SLF2: variants seen among roughly 807,000 people sequenced by gnomAD.
SLF2 encodes the protein SMC5-SMC6 complex localization factor protein 2.
In SLF2, 68 loss-of-function variants were observed where a neutral mutation model predicts 124.3. That is an observed-to-expected ratio of 0.55 (90% CI 0.45 to 0.67). The LOEUF is 0.67. Ranked by LOEUF, SLF2 falls within the 30% of genes least tolerant of loss-of-function variation. The pLI is 0.00. For missense variants in SLF2, 1,246 were observed against 1,373.7 expected (o/e 0.91, Z 1.47); for synonymous variants, 480 against 478.8 (o/e 1.00, Z -0.03).
chr10:100,930,034 TA>T, intron 8 of SLF2, 37 bp downstream of exon 8: 1 of 1,359,068 alleles, frequency 7.4e-7, no homozygotes, highest in South Asian at 1.6e-5. Context: ...TTTATATGTA[TA>T]AAAAATTACT....
At chr10:100,952,883 G>A (rs963733743) in intron 17 of SLF2, among the ~76,000 whole-genome samples, 1 of 152,102 alleles carries the variant, frequency 6.6e-6, no homozygotes, top group African/African-American at 2.4e-5. Flanking sequence ...AGGTTGCAGT[G>A]AGCTGAGATC....
At chr10:100,941,251 T>C (rs1283650427) in intron 11 of SLF2, among the ~76,000 whole-genome samples, 1 of 152,132 alleles carries the variant, frequency 6.6e-6, no homozygotes, top group East Asian at 1.9e-4. Context: ...AGAGTGAAAA[T>C]GTTTGCAGAT....
At chr10:100,918,274 G>GGT (rs1189765991) in intron 3 of SLF2, 110 bp from the exon 4 acceptor site, 2 of 570,598 alleles carry the variant, frequency 3.5e-6, no homozygotes, top group Non-Finnish European at 6.0e-6. Context: ...TCCAAATATG[G>GGT]GTGCTTGCCT....
At chr10:100,951,580 T>C (rs896532973) in intron 17 of SLF2, among the ~76,000 whole-genome samples, 8 of 152,226 alleles carry the variant, frequency 5.3e-5, no homozygotes, top group African/African-American at 1.7e-4. Flanking sequence ...GGTTCAGATG[T>C]CCTTCATAGG....
In SLF2 at chr10:100,916,119, C is replaced by T; in HGVS notation, c.184+77C>T. 4 of 1,100,542 alleles carry T rather than the reference C, an allele frequency of 3.6e-6. No homozygotes were observed. In the Admixed American group the frequency reaches 8.1e-5, roughly 22 times the overall value. The allele number at this position is 1,100,542 out of a possible 1,614,324, so 68.2% of individuals were successfully genotyped here. A position where few individuals can be genotyped will look rare whatever the true frequency, so the allele number is the denominator to read the frequency against. On this transcript the variant is annotated intron_variant, in intron 2 of 19. Transcript: ENST00000238961. ...GAGACAGATTCAACTTTAAAACCTACTCTAAACTGTTTTAGTAAACGTAGT... is the reference window on the plus strand; with the variant it reads ...GAGACAGATTCAACTTTAAAACCTATTCTAAACTGTTTTAGTAAACGTAGT...
chr10:100,913,279 C>A, intron 1 of SLF2, 29 bp downstream of exon 1: 1 of 1,540,550 alleles, frequency 6.5e-7, no homozygotes, highest in Admixed American at 2.0e-5. Context: ...GAGAAGGGGC[C>A]GGGTCGCGGG....
rs747981951 is a variant in SLF2 at position 100,917,069 on chromosome 10, A to G, written c.684A>G (p.Glu228=). Residue 228 remains glutamate, a synonymous_variant, in exon 3 of 20, where the codon GAA becomes GAG. Coordinates refer to ENST00000238961, the MANE Select transcript of SLF2 (RefSeq NM_018121.4). ...SRSSLSRHHP[E]ESPLGAKFQL... ...GCAGCCTGTCCAGGCACCACCCGGAAGAAAGCCCACTGGGAGCTAAATTCC... is the reference window on the plus strand; with the variant it reads ...GCAGCCTGTCCAGGCACCACCCGGAGGAAAGCCCACTGGGAGCTAAATTCC... 25 of 1,614,230 alleles carry G rather than the reference A, an allele frequency of 1.5e-5. No homozygotes were observed. The Middle Eastern group carries it at 6.6e-4, about 43-fold the overall frequency.
intron 19 of SLF2, among the ~76,000 whole-genome samples, chr10:100,961,507 A>C (rs527820132): frequency 4.6e-5 from 7 of 152,200 alleles, no homozygotes; most frequent in Non-Finnish European, 1.0e-4. Context: ...TTGTTTTTGT[A>C]TTTGTTTCTA....
chr10:100,917,012 C>T lies in SLF2; in HGVS notation c.627C>T (p.Phe209=), dbSNP rs1337721967. The change falls in exon 3 of 20, where the codon TTC becomes TTT. Residue 209 remains phenylalanine (F), a synonymous_variant. Coordinates refer to ENST00000238961, the MANE Select transcript of SLF2 (RefSeq NM_018121.4). The part of the protein sequence containing the change: ...KQTTVAEADI[F]NNSSRSLSSR... ...CCACAGTGGCAGAAGCTGACATCTT[C>T]AATAACAGCTCCAGAAGCCTTAGCA... 7 of 1,614,066 alleles carry T rather than the reference C, an allele frequency of 4.3e-6. No individual in the cohort carries two copies. Among genetic ancestry groups the T allele is most frequent in the African/African-American group, 1.3e-5 (1 of 74,912 alleles).
intron 4 of SLF2, among the ~76,000 whole-genome samples, chr10:100,923,343 G>C (rs190753717): frequency 6.6e-6 from 1 of 152,190 alleles, no homozygotes; most frequent in East Asian, 1.9e-4. Flanking sequence ...TCTGGTGTTT[G>C]CCTGCAATCT....
intron 1 of SLF2, chr10:100,913,997 C>G (rs1203269425): frequency 1.5e-6 from 1 of 657,276 alleles, no homozygotes. Context: ...ACTCTGAAAG[C>G]CAGAAAGCTA....
At position 100,947,126 on chromosome 10, in the gene SLF2, TC is replaced by T. The variant is rs1850120428; in HGVS notation, c.3023del (p.Ser1008TyrfsTer6). 6.4e-7 allele frequency: 1 copy of T among 1,567,470 alleles called. No individual in the cohort carries two copies. ...GGTACAGCTGGTCCCTAATTGGACA[TC>T]ACGTGGAAGGTATTAAAAAGTGAAA... ...WLVQLVPNWT[S>X]RGRQLRQCLS... is the part of the protein sequence containing the mutation. On this transcript the variant is annotated frameshift_variant, in exon 14 of 20. Transcript: ENST00000238961. LOFTEE classifies it high-confidence loss of function.
intron 11 of SLF2, among the ~76,000 whole-genome samples, chr10:100,939,513 TA>T: frequency 6.6e-6 from 1 of 152,124 alleles, no homozygotes; most frequent in East Asian, 1.9e-4. Context: ...CTGTCTCTAC[TA>T]AAAATACAAA....
At chr10:100,942,111 C>T (rs1849992382) in intron 11 of SLF2, among the ~76,000 whole-genome samples, 1 of 152,118 alleles carries the variant, frequency 6.6e-6, no homozygotes, top group Admixed American at 6.6e-5. Flanking sequence ...TGTCATTTCT[C>T]CAGTTCCCTG....
chr10:100,931,538 AAATAATT>A (rs1849736386), intron 9 of SLF2, among the ~76,000 whole-genome samples: 1 of 152,182 alleles, frequency 6.6e-6, no homozygotes, highest in Non-Finnish European at 1.5e-5. Context: ...AAATCCACTT[AAATAATT>A]ATCTTAAATT....
intron 18 of SLF2, among the ~76,000 whole-genome samples, chr10:100,957,304 G>C (rs1850348747): frequency 7.4e-6 from 1 of 134,496 alleles, no homozygotes; most frequent in Admixed American, 7.6e-5. Context: ...TTTCATTGAA[G>C]AATATGTTAA....
rs748116562 is a variant in SLF2 at position 100,959,514 on chromosome 10, A to G, written c.3486+18A>G. 2.7e-5 allele frequency: 44 copies of G among 1,612,696 alleles called. No individual in the cohort carries two copies. Among genetic ancestry groups the G allele is most frequent in the Non-Finnish European group, 3.7e-5 (44 of 1,179,572 alleles). ...CTACTCAGGTGTCATTTTGTTATAC[A>G]ATTTCATGTATTCTTAATAGTTTTG... On this transcript the variant is annotated intron_variant, in intron 19 of 19. Transcript: ENST00000238961.
At chr10:100,932,714 TGTGTGTGCGC>T (rs72415941) in intron 9 of SLF2, among the ~76,000 whole-genome samples, 7,527 of 92,574 alleles carry the variant, frequency 0.081, 241 homozygotes, top group Middle Eastern at 0.14. Context: ...TGTGTGTGTG[TGTGTGTGCGC>T]GCGCGCGCGC....
chr10:100,942,798 C>T lies in SLF2; in HGVS notation c.2655-1228C>T, dbSNP rs146502648. On this transcript the variant is annotated intron_variant, in intron 11 of 19. Coordinates refer to ENST00000238961, the MANE Select transcript of SLF2 (RefSeq NM_018121.4). ...CCTCCCAAAGTGCTGGGATTACAAG[C>T]GTGAGCCACCATGCCCAGCCAAATT... is the stretch of plus-strand genomic sequence containing the variant. 5.7e-3 allele frequency among the ~76,000 whole-genome samples: 866 copies of T among 152,280 alleles called. 12 individuals are homozygous for T. The highest frequency in any genetic ancestry group is 0.02 in the African/African-American group (831 of 41,550).
Sources: allele counts gnomAD v4.1 joint callset (sites outside exome capture counted in the v4.1 genomes callset), GRCh38; gene constraint gnomAD v4.1.1; transcripts MANE v1.5; gene names NCBI Gene and HGNC (gene_info 2026-07-23, HGNC 2026-07-21).